Variants in IFT81 observed in about 807,000 individuals in gnomAD.
The protein encoded by IFT81 is intraflagellar transport 81, also known as intraflagellar transport protein 81 homolog.
IFT81 carries 72 observed loss-of-function variants against 102.6 expected under a neutral mutation model. The ratio of observed to expected loss-of-function variants is 0.70; its 90% CI spans 0.58 to 0.85. IFT81 has a LOEUF of 0.85. Ranked by LOEUF, IFT81 falls within the 40% of genes least tolerant of loss-of-function variation. The probability of loss-of-function intolerance (pLI) is 0.00; values close to 1 mark genes in which losing one functional copy is unlikely to be tolerated. For synonymous variants in IFT81, 237 were observed against 242.7 expected, an observed-to-expected ratio of 0.98 and a Z score of 0.22; for missense variants, 723 against 787.3, an observed-to-expected ratio of 0.92 and a Z score of 0.98.
At chr12:110,167,660 C>CA (rs1346034720) in intron 11 of IFT81, among the ~76,000 whole-genome samples, 4 of 151,994 alleles carry the variant, frequency 2.6e-5, no homozygotes, top group East Asian at 1.9e-4. Flanking sequence ...AATGTACACA[C>CA]AAAAAATGCC....
intron 18 of IFT81, among the ~76,000 whole-genome samples, chr12:110,212,730 A>C (rs1360625421): frequency 6.6e-6 from 1 of 151,480 alleles, no homozygotes; most frequent in Admixed American, 6.6e-5. Context: ...CCAGCTACTC[A>C]GGAGGCTGAG....
chr12:110,212,284 G>A (rs1358920116), intron 18 of IFT81, among the ~76,000 whole-genome samples: 3 of 150,734 alleles, frequency 2.0e-5, no homozygotes, highest in East Asian at 3.9e-4. Context: ...AGTGGCTCAC[G>A]ACTATAACCC....
At chr12:110,180,387 T>C (rs1447711488) in intron 11 of IFT81, 35 bp from the exon 12 acceptor site, 1 of 1,421,746 alleles carries the variant, frequency 7.0e-7, no homozygotes, top group Non-Finnish European at 9.7e-7. Flanking sequence ...ACTACTTTTC[T>C]ACTCATTAGA....
At chr12:110,215,334 C>T (rs1050106930) in intron 18 of IFT81, among the ~76,000 whole-genome samples, 3 of 151,792 alleles carry the variant, frequency 2.0e-5, no homozygotes, top group Non-Finnish European at 4.4e-5. Flanking sequence ...CAACACACTG[C>T]ATTTCGTTCT....
intron 10 of IFT81, among the ~76,000 whole-genome samples, chr12:110,150,420 A>T (rs1895462940): frequency 6.6e-6 from 1 of 152,200 alleles, no homozygotes; most frequent in East Asian, 1.9e-4. Flanking sequence ...TCAGTGGACC[A>T]GGCTAGGAGG....
intron 18 of IFT81, among the ~76,000 whole-genome samples, chr12:110,214,411 C>G (rs934483990): frequency 1.6e-4 from 25 of 151,904 alleles, no homozygotes; most frequent in African/African-American, 5.8e-4. Context: ...TAGAGTAGAT[C>G]TAAATTTTCA....
At chr12:110,176,052 C>A (rs1436989566) in intron 11 of IFT81, among the ~76,000 whole-genome samples, 1 of 152,100 alleles carries the variant, frequency 6.6e-6, no homozygotes, top group Non-Finnish European at 1.5e-5. Flanking sequence ...GTTTCCACGA[C>A]TCCTCACTCA....
At chr12:110,198,748 A>C (rs1202716116) in intron 14 of IFT81, among the ~76,000 whole-genome samples, 2 of 150,668 alleles carry the variant, frequency 1.3e-5, no homozygotes, top group African/African-American at 4.9e-5. Context: ...TCATCCACTT[A>C]ATTTTTAATT....
At chr12:110,159,716 C>T (rs895020343) in intron 10 of IFT81, among the ~76,000 whole-genome samples, 1 of 152,190 alleles carries the variant, frequency 6.6e-6, no homozygotes, top group Non-Finnish European at 1.5e-5. Flanking sequence ...CTCTCTTTGT[C>T]TGCACCTCTG....
intron 18 of IFT81, among the ~76,000 whole-genome samples, chr12:110,217,325 G>T (rs565980518): frequency 6.6e-6 from 1 of 151,676 alleles, no homozygotes; most frequent in Non-Finnish European, 1.5e-5. Flanking sequence ...GATTACAGTC[G>T]TGAGCCACCA....
chr12:110,189,246 T>C (rs759269661), intron 12 of IFT81, among the ~76,000 whole-genome samples: 9 of 152,234 alleles, frequency 5.9e-5, no homozygotes, highest in Non-Finnish European at 1.0e-4. Flanking sequence ...TCCTGTCTCA[T>C]GGTTGTAAAG....
At chr12:110,167,501 C>G (rs188117619) in intron 11 of IFT81, among the ~76,000 whole-genome samples, 1 of 152,166 alleles carries the variant, frequency 6.6e-6, no homozygotes, top group Non-Finnish European at 1.5e-5. Context: ...GAGATTACAC[C>G]CTGCTAACAT....
intron 17 of IFT81, 83 bp from the exon 18 acceptor site, chr12:110,209,088 A>G (rs952773654): frequency 6.9e-6 from 5 of 726,308 alleles, no homozygotes; most frequent in Non-Finnish European, 9.3e-6. Context: ...TGTATTTTAG[A>G]TAGATATATT....
At chr12:110,146,033 A>G (rs1593297179) in intron 9 of IFT81, among the ~76,000 whole-genome samples, 1 of 149,238 alleles carries the variant, frequency 6.7e-6, no homozygotes, top group African/African-American at 2.5e-5. Context: ...GCTGGTCTCG[A>G]CCTCCTGACC....
intron 11 of IFT81, chr12:110,168,818 A>G (rs1338614642): frequency 1.3e-5 from 2 of 152,220 alleles, no homozygotes; most frequent in African/African-American, 4.8e-5. Flanking sequence ...AAAAATTAAC[A>G]TGCAGGCCTG....
intron 17 of IFT81, among the ~76,000 whole-genome samples, chr12:110,206,671 T>C (rs1868673432): frequency 6.8e-6 from 1 of 147,156 alleles, no homozygotes; most frequent in African/African-American, 2.5e-5. Context: ...GGAGACTCTG[T>C]CTTTAAAAAA....
intron 11 of IFT81, among the ~76,000 whole-genome samples, chr12:110,176,325 C>A (rs1897033601): frequency 6.6e-6 from 1 of 152,170 alleles, no homozygotes; most frequent in Non-Finnish European, 1.5e-5. Flanking sequence ...ACTGGCACCT[C>A]CATGCAGCTC....
chr12:110,206,707 G>A (rs1428176333), intron 17 of IFT81, among the ~76,000 whole-genome samples: 1 of 150,388 alleles, frequency 6.6e-6, no homozygotes, highest in Non-Finnish European at 1.5e-5. Context: ...CTAAGAAATA[G>A]AGTGTCTTGC....
intron 18 of IFT81, among the ~76,000 whole-genome samples, chr12:110,213,520 G>A (rs549607409): frequency 6.6e-6 from 1 of 152,314 alleles, no homozygotes; most frequent in African/African-American, 2.4e-5. Context: ...GACAGCCATT[G>A]ATAATCATTT....
Sources: allele counts gnomAD v4.1 joint callset (sites outside exome capture counted in the v4.1 genomes callset), GRCh38; gene constraint gnomAD v4.1.1; transcripts MANE v1.5; gene names NCBI Gene and HGNC (gene_info 2026-07-23, HGNC 2026-07-21).